ETFBKMT: variants seen among roughly 807,000 people sequenced by gnomAD.
ETFBKMT encodes the protein electron transfer flavoprotein beta subunit lysine methyltransferase.
ETFBKMT carries 13 observed loss-of-function variants against 18.3 expected under a neutral mutation model. That is an observed-to-expected ratio of 0.71 (90% CI 0.46 to 1.13). ETFBKMT has a LOEUF of 1.13. Among genes scored for constraint, ETFBKMT ranks in the 50% most tolerant of loss-of-function variants. The pLI, the probability that ETFBKMT is intolerant of heterozygous loss-of-function variation, is 0.00. For missense variants in ETFBKMT, 293 were observed against 306.2 expected, an observed-to-expected ratio of 0.96 and a Z score of 0.32; for synonymous variants, 84 against 107.9, an observed-to-expected ratio of 0.78 and a Z score of 1.37.
chr12:31,656,982 T>C (rs1415490997), upstream of ETFBKMT, among the ~76,000 whole-genome samples: 3 of 152,244 alleles, frequency 2.0e-5, no homozygotes, highest in African/African-American at 7.2e-5. Context: ...AAACAAGATG[T>C]GCTTTTATCT....
rs774941640 is a variant in ETFBKMT, at chr12:31,672,297, A to G, written c.*4307A>G. On this transcript the variant is annotated 3_prime_UTR_variant, in exon 4 of 4. Transcript: ENST00000357721. ...CTTTCCTAGCATTGATCATCTTCAA[A>G]AAAGCATCAATAAACAGTCCATGTC... The G allele has an allele frequency of 2.1e-5, 33 of 1,564,938 alleles. No individual in the cohort carries two copies. In the South Asian group the frequency reaches 2.6e-4, roughly 12 times the overall value.
rs1951130696 is a variant in ETFBKMT, at chr12:31,662,026, G to A, written c.73G>A (p.Gly25Ser). 2 of 1,614,104 alleles carry A rather than the reference G, an allele frequency of 1.2e-6. No homozygotes were observed. The highest frequency in any genetic ancestry group is 1.7e-6 in the Non-Finnish European group (2 of 1,180,052). Residue 25 changes from glycine to serine, a missense_variant, in exon 2 of 4, where the codon GGT (glycine) becomes AGT (serine). Gly to Ser is a moderately conservative substitution (Grantham distance 56). Transcript: ENST00000357721. ...GLLLQALRSSGLLLFPCGQCP... is the reference protein window; with the variant it reads ...GLLLQALRSSSLLLFPCGQCP... ...CCTCTTGCAGGCTCTGCGAAGCAGT[G>A]GTCTTCTCTTGTTTCCCTGTGGCCA...
intron 2 of ETFBKMT, among the ~76,000 whole-genome samples, chr12:31,662,739 G>T: frequency 6.6e-6 from 1 of 152,056 alleles, no homozygotes; most frequent in East Asian, 1.9e-4. Context: ...CCTAGAGTCA[G>T]CTGTCAAGAC....
At chr12:31,662,350 A>G (rs1450236250) in intron 2 of ETFBKMT, 83 bp downstream of exon 2, 9 of 1,338,604 alleles carry the variant, frequency 6.7e-6, no homozygotes, top group Non-Finnish European at 9.3e-6. Context: ...AACCAGAGCA[A>G]TGCTAGGCGT....
chr12:31,662,495 T>C (rs1399907725), intron 2 of ETFBKMT, among the ~76,000 whole-genome samples: 4 of 146,854 alleles, frequency 2.7e-5, no homozygotes, highest in Non-Finnish European at 5.9e-5. Context: ...GTTTTCTTTT[T>C]TCTTTCTTTC....
At position 31,666,648 on chromosome 12, in the gene ETFBKMT, T is replaced by TTTTATTTA. The variant is rs151199547; in HGVS notation, c.445+443_445+450dup. On this transcript the variant is annotated intron_variant, in intron 3 of 3. Transcript: ENST00000357721. ...ATAGTCCTTGAAAACCTTTATTTTA[T>TTTTATTTA]TTTATTTATTTATTTATTTTGAGAC... Among the ~76,000 whole-genome samples, 14 of 151,420 alleles carry TTTTATTTA rather than the reference T, an allele frequency of 9.2e-5. No homozygotes were observed. The South Asian group carries it at 2.3e-3, about 25-fold the overall frequency.
rs5797428 is a variant in ETFBKMT, at chr12:31,668,494, CTT to C, written c.*517_*518del. 9.1e-5 allele frequency: 13 copies of C among 142,242 alleles called. No individual in the cohort carries two copies. The highest frequency in any genetic ancestry group is 2.1e-4 in the Admixed American group (3 of 14,160). 8.8% of individuals were successfully genotyped at this position (142,242 alleles called of 1,614,324 possible). On this transcript the variant is annotated 3_prime_UTR_variant, in exon 4 of 4. Transcript: ENST00000357721. The stretch of plus-strand genomic sequence containing the variant: ...GGGCACTGCAGCCTTGAACTCTGGG[CTT>C]TTTTTTTTTTTTGAGATGGAGTCTC...
chr12:31,651,802 G>A (rs1235151006), intron 1 of ETFBKMT, among the ~76,000 whole-genome samples: 1 of 152,204 alleles, frequency 6.6e-6, no homozygotes, highest in African/African-American at 2.4e-5. Flanking sequence ...GATAGTAGGA[G>A]TATGGGAATC....
At chr12:31,654,131 C>A (rs1410398769) in intron 1 of ETFBKMT, among the ~76,000 whole-genome samples, 2 of 152,152 alleles carry the variant, frequency 1.3e-5, no homozygotes, top group African/African-American at 4.8e-5. Flanking sequence ...CTCACTGCAA[C>A]CTCCACCTCC....
At chr12:31,666,549 A>G (rs1951198399) in intron 3 of ETFBKMT, among the ~76,000 whole-genome samples, 1 of 152,214 alleles carries the variant, frequency 6.6e-6, no homozygotes, top group Admixed American at 6.5e-5. Context: ...TTTTTATTCC[A>G]TTAGAACCCA....
At chr12:31,660,108 G>T (rs1219756354) in intron 1 of ETFBKMT, 2 of 141,240 alleles carry the variant, frequency 1.4e-5, no homozygotes, top group Non-Finnish European at 3.0e-5. Flanking sequence ...GGAGGTTGCA[G>T]TGAGCCGAGA....
At chr12:31,658,680 C>T (rs2139615916), upstream of ETFBKMT, among the ~76,000 whole-genome samples, 2 of 152,296 alleles carry the variant, frequency 1.3e-5, no homozygotes, top group Admixed American at 1.3e-4. Context: ...CCGTTTTCCC[C>T]CCTCTAGCAC....
chr12:31,654,038 G>A (rs1951039005), intron 1 of ETFBKMT, among the ~76,000 whole-genome samples: 1 of 152,130 alleles, frequency 6.6e-6, no homozygotes, highest in Non-Finnish European at 1.5e-5. Context: ...AATGTAAAAT[G>A]ACACAACTAT....
chr12:31,657,030 A>G (rs1290260612), upstream of ETFBKMT, among the ~76,000 whole-genome samples: 3 of 152,200 alleles, frequency 2.0e-5, no homozygotes, highest in African/African-American at 4.8e-5. Context: ...TATCATCACT[A>G]TTTTACAGAT....
chr12:31,651,172 G>C (rs1417341188), intron 1 of ETFBKMT, among the ~76,000 whole-genome samples: 1 of 152,114 alleles, frequency 6.6e-6, no homozygotes, highest in Non-Finnish European at 1.5e-5. Flanking sequence ...AGTCTTACAA[G>C]ACTTCCTGGA....
rs1951288943 is a variant in ETFBKMT, at chr12:31,672,280, G to A, written c.*4290G>A. 6.5e-7 allele frequency: 1 copy of A among 1,530,202 alleles called. No homozygotes were observed. Among genetic ancestry groups the A allele is most frequent in the Admixed American group, 1.9e-5 (1 of 52,358 alleles). 94.8% of individuals were successfully genotyped at this position (1,530,202 alleles called of 1,614,324 possible). On this transcript the variant is annotated 3_prime_UTR_variant, in exon 4 of 4. Transcript: ENST00000357721. ...AAAGTAGTTTTGATAAGCTTTCCTA[G>A]CATTGATCATCTTCAAAAAAGCATC...
Position 31,669,188 on chromosome 12 carries a change from C to CT in ETFBKMT, c.*1201dup, listed in dbSNP as rs1488579436. On this transcript the variant is annotated 3_prime_UTR_variant, in exon 4 of 4. Transcript: ENST00000357721. ...TCCTGGCTATTGTCTCCTCTGTTATCTTTGAGTTTCCCTAGAGATTCCTTC... is the reference window on the plus strand; with the variant it reads ...TCCTGGCTATTGTCTCCTCTGTTATCTTTTGAGTTTCCCTAGAGATTCCTTC... The CT allele has an allele frequency of 6.6e-6, 1 of 152,192 alleles. No homozygotes were observed. The highest frequency in any genetic ancestry group is 1.9e-4 in the East Asian group (1 of 5,202). The allele number at this position is 152,192 out of a possible 1,614,324, so 9.4% of individuals were successfully genotyped here. A position where few individuals can be genotyped will look rare whatever the true frequency, so the allele number is the denominator to read the frequency against.
rs368655571 is a variant in ETFBKMT at position 31,662,008 on chromosome 12, C to G, written c.55C>G (p.Gln19Glu). 6.2e-7 allele frequency: 1 copy of G among 1,614,250 alleles called. No individual in the cohort carries two copies. Among genetic ancestry groups the G allele is most frequent in the African/African-American group, 1.3e-5 (1 of 75,060 alleles). Residue 19 changes from glutamine (Q) to glutamate (E), a missense_variant, in exon 2 of 4, where the codon CAG (glutamine) becomes GAG (glutamate). Transcript: ENST00000357721. Reference protein sequence around the residue: ...AHRNHCGLLLQALRSSGLLLF... With the variant: ...AHRNHCGLLLEALRSSGLLLF... ...CAGGAACCACTGTGGTCTCCTCTTG[C>G]AGGCTCTGCGAAGCAGTGGTCTTCT...
At chr12:31,664,505 C>T (rs1287917244) in intron 2 of ETFBKMT, among the ~76,000 whole-genome samples, 1 of 152,124 alleles carries the variant, frequency 6.6e-6, no homozygotes, top group African/African-American at 2.4e-5. Context: ...GAGTCTCAAC[C>T]AGTCAAGGTT....
Sources: gnomAD v4.1 joint callset for allele counts (sites outside exome capture counted in the v4.1 genomes callset) on GRCh38, gnomAD v4.1.1 for gene constraint, MANE v1.5 for transcripts, NCBI Gene and HGNC (gene_info 2026-07-23, HGNC 2026-07-21) for gene names.